GABRB1: variants seen among roughly 807,000 people sequenced by gnomAD.
The protein encoded by GABRB1 is gamma-aminobutyric acid receptor subunit beta-1.
A neutral mutation model predicts 51.6 loss-of-function variants in GABRB1; 17 were observed. The observed-to-expected ratio is 0.33, with a 90% CI of 0.23 to 0.49. The LOEUF is 0.49. Among genes scored for constraint, GABRB1 ranks in the 20% least tolerant of loss-of-function variants. GABRB1 has a pLI of 0.99. For synonymous variants in GABRB1, 247 were observed against 218.9 expected (o/e 1.13, Z -1.14); for missense variants, 410 against 600.6 (o/e 0.68, Z 3.32).
chr4:47,230,327 C>T (rs1443675265), intron 4 of GABRB1, among the ~76,000 whole-genome samples: 3 of 151,916 alleles, frequency 2.0e-5, no homozygotes, highest in Non-Finnish European at 2.9e-5. Flanking sequence ...CTGATTCTTC[C>T]CATAAACCAG....
At chr4:47,165,925 T>C (rs1418791117) in intron 4 of GABRB1, among the ~76,000 whole-genome samples, 1 of 152,158 alleles carries the variant, frequency 6.6e-6, no homozygotes, top group Non-Finnish European at 1.5e-5. Context: ...ACGTCTCTTT[T>C]GTCACTGAGA....
chr4:47,296,371 A>G (rs888379351), intron 4 of GABRB1, among the ~76,000 whole-genome samples: 15 of 152,164 alleles, frequency 9.9e-5, no homozygotes, highest in East Asian at 1.9e-4. Context: ...CCCATCTCAC[A>G]TGCAGAGACA....
chr4:46,995,348 C>T (rs1316977346), intron 1 of GABRB1, among the ~76,000 whole-genome samples: 1 of 152,096 alleles, frequency 6.6e-6, no homozygotes, highest in Non-Finnish European at 1.5e-5. Flanking sequence ...TATATTATTT[C>T]TCTAATCTTA....
intron 5 of GABRB1, among the ~76,000 whole-genome samples, chr4:47,383,771 A>G (rs552604176): frequency 3.9e-5 from 6 of 152,300 alleles, no homozygotes; most frequent in African/African-American, 1.4e-4. Context: ...GTCATTTTTT[A>G]TAGTTACTTT....
chr4:47,312,970 G>A (rs900489545), intron 4 of GABRB1, among the ~76,000 whole-genome samples: 9 of 152,000 alleles, frequency 5.9e-5, no homozygotes, highest in African/African-American at 2.2e-4. Context: ...AAATATACAT[G>A]ATTTGCTATT....
intron 1 of GABRB1, among the ~76,000 whole-genome samples, chr4:47,017,882 C>A (rs992156285): frequency 6.6e-6 from 1 of 152,142 alleles, no homozygotes; most frequent in Non-Finnish European, 1.5e-5. Flanking sequence ...GAACTCAAAT[C>A]ATTAAATTGT....
chr4:47,281,286 G>GT (rs2109907821), intron 4 of GABRB1, among the ~76,000 whole-genome samples: 1 of 152,262 alleles, frequency 6.6e-6, no homozygotes, highest in Admixed American at 6.5e-5. Flanking sequence ...CAAGAGAAAT[G>GT]TTAAAAAATG....
chr4:47,125,605 G>C (rs541741608), intron 3 of GABRB1, among the ~76,000 whole-genome samples: 7 of 94,294 alleles, frequency 7.4e-5, no homozygotes, highest in Admixed American at 1.6e-4. Flanking sequence ...GCCCAGGCTG[G>C]AGTGCAGTGG....
chr4:47,412,358 C>T (rs1468448112), intron 8 of GABRB1, among the ~76,000 whole-genome samples: 1 of 152,042 alleles, frequency 6.6e-6, no homozygotes, highest in African/African-American at 2.4e-5. Flanking sequence ...ATCACGCATT[C>T]AGTGTTACAC....
chr4:47,414,433 G>C (rs1728851499), intron 8 of GABRB1, among the ~76,000 whole-genome samples: 1 of 152,144 alleles, frequency 6.6e-6, no homozygotes, highest in African/African-American at 2.4e-5. Flanking sequence ...AAAGACAAAT[G>C]GTTGCATTCT....
At chr4:47,016,792 A>G (rs924808902) in intron 1 of GABRB1, among the ~76,000 whole-genome samples, 3 of 151,856 alleles carry the variant, frequency 2.0e-5, no homozygotes. Context: ...GTTTCACCTT[A>G]TGGGCCAGGC....
chr4:47,004,540 A>G (rs888652932), intron 1 of GABRB1, among the ~76,000 whole-genome samples: 3 of 152,176 alleles, frequency 2.0e-5, no homozygotes, highest in Admixed American at 6.5e-5. Context: ...AAAAAAAAGA[A>G]TAGGTTCCCT....
At chr4:47,057,646 T>C (rs1726671170) in intron 3 of GABRB1, among the ~76,000 whole-genome samples, 1 of 152,216 alleles carries the variant, frequency 6.6e-6, no homozygotes, top group Admixed American at 6.5e-5. Flanking sequence ...CCACCCTGGC[T>C]AACTACATAG....
intron 4 of GABRB1, among the ~76,000 whole-genome samples, chr4:47,219,154 T>C (rs1329662399): frequency 1.3e-5 from 2 of 151,858 alleles, no homozygotes; most frequent in African/African-American, 4.8e-5. Flanking sequence ...AAATCAAATA[T>C]GGAAATGTTA....
At chr4:47,019,944 A>G (rs184969197) in intron 1 of GABRB1, among the ~76,000 whole-genome samples, 16 of 150,748 alleles carry the variant, frequency 1.1e-4, no homozygotes, top group African/African-American at 3.4e-4. Context: ...ACGTATATGT[A>G]TATGTATATG....
At chr4:47,272,471 A>G (rs1316457650) in intron 4 of GABRB1, among the ~76,000 whole-genome samples, 3 of 152,120 alleles carry the variant, frequency 2.0e-5, no homozygotes, top group Non-Finnish European at 4.4e-5. Flanking sequence ...GAATTCTATA[A>G]TTCATGCTTC....
intron 3 of GABRB1, among the ~76,000 whole-genome samples, chr4:47,043,927 G>A (rs1268661559): frequency 1.3e-5 from 2 of 152,102 alleles, no homozygotes; most frequent in African/African-American, 4.8e-5. Context: ...TTGCATGAGA[G>A]AACAGGTTTG....
At chr4:47,042,451 G>C (rs1281537580) in intron 3 of GABRB1, among the ~76,000 whole-genome samples, 1 of 130,784 alleles carries the variant, frequency 7.6e-6, no homozygotes, top group Non-Finnish European at 1.7e-5. Flanking sequence ...AAATACGTGT[G>C]TGAGTATGTG....
chr4:47,407,794 A>C lies in GABRB1; in HGVS notation c.1080+868A>C, dbSNP rs527305495. 1.6e-3 allele frequency among the ~76,000 whole-genome samples: 238 copies of C among 152,350 alleles called. 1 individual carries two copies. The highest frequency in any genetic ancestry group is 2.9e-3 in the Non-Finnish European group (199 of 68,032). Reference sequence around the variant, plus strand: ...AAACAAATATCAAAAGGATAATTTTAGTTACTAGTAAGTGCTAAAAAGAAA... The same window carrying C: ...AAACAAATATCAAAAGGATAATTTTCGTTACTAGTAAGTGCTAAAAAGAAA... On this transcript the variant is annotated intron_variant, in intron 8 of 8. Coordinates refer to ENST00000295454, the MANE Select transcript of GABRB1 (RefSeq NM_000812.4).
Sources: gnomAD v4.1 joint callset for allele counts (sites outside exome capture counted in the v4.1 genomes callset) on GRCh38, gnomAD v4.1.1 for gene constraint, MANE v1.5 for transcripts, NCBI Gene and HGNC (gene_info 2026-07-23, HGNC 2026-07-21) for gene names.